Variants in FYB1 observed in about 807,000 individuals in gnomAD.
FYB1 encodes the protein FYN binding protein 1.
In FYB1, 41 loss-of-function variants were observed where a neutral mutation model predicts 94.1. That is an observed-to-expected ratio of 0.44 (90% confidence interval 0.34 to 0.57). FYB1 has a LOEUF of 0.57. FYB1 is among the 20% of genes least tolerant of loss of function. The pLI is 0.02. For missense variants in FYB1, 1,050 were observed against 976.8 expected, an observed-to-expected ratio of 1.07 and a Z score of -1.00; for synonymous variants, 367 against 353.2, an observed-to-expected ratio of 1.04 and a Z score of -0.44.
chr5:39,107,494 T>C, intron 18 of FYB1, 29 bp from the exon 19 acceptor site: 6 of 1,451,176 alleles, frequency 4.1e-6, no homozygotes, highest in South Asian at 1.3e-5. Flanking sequence ...AATTTAAATA[T>C]AGTTATTAAA....
intron 16 of FYB1, among the ~76,000 whole-genome samples, chr5:39,117,670 T>A (rs1346958688): frequency 6.6e-6 from 1 of 152,182 alleles, no homozygotes; most frequent in Non-Finnish European, 1.5e-5. Context: ...TGAAACTCCA[T>A]TTCAATTCCT....
upstream of FYB1, among the ~76,000 whole-genome samples, chr5:39,222,187 C>T (rs1266512973): frequency 2.0e-5 from 3 of 151,590 alleles, no homozygotes; most frequent in African/African-American, 7.3e-5. Flanking sequence ...GAACTTTGTC[C>T]CACAAGACTG....
chr5:39,155,118 G>T (rs188535216), intron 2 of FYB1, among the ~76,000 whole-genome samples: 1 of 152,198 alleles, frequency 6.6e-6, no homozygotes, highest in Admixed American at 6.5e-5. Flanking sequence ...AAAAAATACG[G>T]CACTTCACTG....
At chr5:39,148,003 C>T (rs1742834210) in intron 3 of FYB1, among the ~76,000 whole-genome samples, 1 of 148,792 alleles carries the variant, frequency 6.7e-6, no homozygotes, top group East Asian at 2.0e-4. Context: ...TTCTAAAATT[C>T]CTTCCTTGAT....
Position 39,123,414 on chromosome 5 carries a change from A to T in FYB1, c.2071+839T>A, listed in dbSNP as rs541095068. On this transcript the variant is annotated intron_variant, in intron 13 of 18. Transcript: ENST00000512982. ...TTTAAGAACAACAAGCAATTCTAAC[A>T]AAACCTTATTTTTTACAGAATTGAT... is the stretch of plus-strand genomic sequence containing the variant. Among the ~76,000 whole-genome samples, 74 of 152,312 alleles carry T rather than the reference A, an allele frequency of 4.9e-4. No individual in the cohort carries two copies. In the South Asian group the frequency reaches 0.01, roughly 21 times the overall value.
chr5:39,130,697 C>T, intron 9 of FYB1, 85 bp from the exon 10 acceptor site: 1 of 1,057,612 alleles, frequency 9.5e-7, no homozygotes, highest in East Asian at 2.6e-5. Context: ...ATTAGTTATT[C>T]AAAAGAGAAA....
chr5:39,273,205 G>A (rs1752713777), intron 1 of FYB1, among the ~76,000 whole-genome samples: 1 of 152,230 alleles, frequency 6.6e-6, no homozygotes, highest in Non-Finnish European at 1.5e-5. Flanking sequence ...TAGAAAAGGG[G>A]AAAAGGTGGG....
intron 1 of FYB1, among the ~76,000 whole-genome samples, chr5:39,213,508 T>C (rs1447373503): frequency 6.6e-6 from 1 of 152,202 alleles, no homozygotes; most frequent in African/African-American, 2.4e-5. Context: ...CTGGCAGATC[T>C]GAGATGAGCA....
At chr5:39,212,388 A>T (rs557770136) in intron 1 of FYB1, among the ~76,000 whole-genome samples, 2 of 152,364 alleles carry the variant, frequency 1.3e-5, no homozygotes, top group East Asian at 3.9e-4. Flanking sequence ...ATTTGAGGAA[A>T]GTGAAAGCTA....
At chr5:39,232,809 T>C (rs1750805046) in intron 1 of FYB1, among the ~76,000 whole-genome samples, 1 of 149,082 alleles carries the variant, frequency 6.7e-6, no homozygotes, top group African/African-American at 2.5e-5. Context: ...TGAGTGAGAA[T>C]ATGCAGTGTT....
chr5:39,228,620 C>A (rs1750584615), intron 1 of FYB1, among the ~76,000 whole-genome samples: 2 of 152,142 alleles, frequency 1.3e-5, no homozygotes, highest in African/African-American at 4.8e-5. Context: ...TATTAGGAAT[C>A]ATTGATTTTA....
intron 2 of FYB1, among the ~76,000 whole-genome samples, chr5:39,198,763 C>T (rs913991150): frequency 4.6e-5 from 7 of 152,160 alleles, no homozygotes; most frequent in East Asian, 1.9e-4. Flanking sequence ...GTATATTAAA[C>T]GTGTTTTCAG....
intron 1 of FYB1, among the ~76,000 whole-genome samples, chr5:39,206,634 T>C (rs368976965): frequency 6.6e-6 from 1 of 152,168 alleles, no homozygotes. Context: ...CAGTACAGTA[T>C]GAGTTTATAC....
At chr5:39,235,536 C>T (rs917571054) in intron 1 of FYB1, among the ~76,000 whole-genome samples, 2 of 151,394 alleles carry the variant, frequency 1.3e-5, no homozygotes, top group Non-Finnish European at 2.9e-5. Flanking sequence ...TACTTTGTTT[C>T]CCTTCCTGCC....
At chr5:39,119,301 G>A (rs918259223) in intron 15 of FYB1, among the ~76,000 whole-genome samples, 1 of 151,908 alleles carries the variant, frequency 6.6e-6, no homozygotes, top group African/African-American at 2.4e-5. Context: ...TGAATACTGT[G>A]CATATTATAG....
At chr5:39,143,180 T>C (rs1742335307) in intron 3 of FYB1, among the ~76,000 whole-genome samples, 1 of 152,160 alleles carries the variant, frequency 6.6e-6, no homozygotes, top group South Asian at 2.1e-4. Flanking sequence ...ACATCTTGGG[T>C]GTCCTACAGC....
At chr5:39,248,858 C>A (rs913812806) in intron 1 of FYB1, among the ~76,000 whole-genome samples, 1 of 152,140 alleles carries the variant, frequency 6.6e-6, no homozygotes, top group Non-Finnish European at 1.5e-5. Flanking sequence ...GCCTAAATAT[C>A]TTAAATATTC....
chr5:39,149,823 C>T (rs1743087473), intron 3 of FYB1, among the ~76,000 whole-genome samples: 1 of 152,140 alleles, frequency 6.6e-6, no homozygotes, highest in Admixed American at 6.5e-5. Context: ...TGCCCCTTCT[C>T]CTCCTCCCAG....
upstream of FYB1, among the ~76,000 whole-genome samples, chr5:39,221,413 T>C (rs73072541): frequency 0.013 from 1,990 of 152,366 alleles, 37 homozygotes; most frequent in African/African-American, 0.043. Flanking sequence ...ATCAGTGTTA[T>C]GTTGTGTCTC....
Sources: gnomAD v4.1 joint callset for allele counts (sites outside exome capture counted in the v4.1 genomes callset) on GRCh38, gnomAD v4.1.1 for gene constraint, MANE v1.5 for transcripts, NCBI Gene and HGNC (gene_info 2026-07-23, HGNC 2026-07-21) for gene names.